Variants in ERBB4 observed in about 807,000 individuals in gnomAD.
The protein encoded by ERBB4 is erb-b2 receptor tyrosine kinase 4.
A neutral mutation model predicts 158.0 loss-of-function variants in ERBB4; 42 were observed. The ratio of observed to expected loss-of-function variants is 0.27; its 90% CI spans 0.21 to 0.34. ERBB4 has a LOEUF of 0.34. Ranked by LOEUF, ERBB4 falls within the 10% of genes least tolerant of loss-of-function variation. The probability of loss-of-function intolerance (pLI) is 1.00; values close to 1 mark genes in which losing one functional copy is unlikely to be tolerated. For missense variants in ERBB4, 1,333 were observed against 1,624.1 expected, an observed-to-expected ratio of 0.82 and a Z score of 3.08; for synonymous variants, 583 against 558.7, an observed-to-expected ratio of 1.04 and a Z score of -0.61.
chr2:212,438,142 G>A (rs2092177939), intron 1 of ERBB4, among the ~76,000 whole-genome samples: 1 of 151,774 alleles, frequency 6.6e-6, no homozygotes, highest in Admixed American at 6.6e-5. Flanking sequence ...CATCTACCAG[G>A]TAAATTTAAT....
intron 19 of ERBB4, among the ~76,000 whole-genome samples, chr2:211,593,603 T>G (rs868577734): frequency 6.6e-6 from 1 of 152,220 alleles, no homozygotes; most frequent in African/African-American, 2.4e-5. Flanking sequence ...GTATCTTAGC[T>G]TCTCCCATCA....
intron 3 of ERBB4, among the ~76,000 whole-genome samples, chr2:211,936,691 C>T (rs1300543198): frequency 6.6e-6 from 1 of 152,016 alleles, no homozygotes; most frequent in Non-Finnish European, 1.5e-5. Flanking sequence ...ATTAAGAGAA[C>T]AAAGTTTAAG....
In ERBB4 at chr2:211,396,016, GAAAAA is replaced by G. The variant is rs925667581; in HGVS notation, c.3136-8029_3136-8025del. ...TAAGGCAGGTTTGAACTAAGAATAA[GAAAAA>G]AAAAAAGACTATAAACACTTTGAAT... On this transcript the variant is annotated intron_variant, in intron 25 of 27. Transcript: ENST00000342788. 1.2e-4 allele frequency among the ~76,000 whole-genome samples: 16 copies of G among 139,072 alleles called. 2 individuals carry two copies. Among genetic ancestry groups the G allele is most frequent in the African/African-American group, 4.2e-4 (16 of 38,186 alleles). The allele number at this position is 139,072 out of a possible 152,430, so 91.2% of individuals were successfully genotyped here.
intron 20 of ERBB4, among the ~76,000 whole-genome samples, chr2:211,457,843 C>A (rs924562231): frequency 2.0e-5 from 3 of 152,192 alleles, no homozygotes; most frequent in African/African-American, 4.8e-5. Context: ...ATTACCACAG[C>A]CTTTCATGCA....
At chr2:211,922,852 G>T (rs923558619) in intron 3 of ERBB4, among the ~76,000 whole-genome samples, 2 of 151,870 alleles carry the variant, frequency 1.3e-5, no homozygotes, top group African/African-American at 2.4e-5. Context: ...TATTTCACAG[G>T]GAAAAAAGAC....
At chr2:211,808,056 T>A (rs2076661086) in intron 3 of ERBB4, among the ~76,000 whole-genome samples, 1 of 152,178 alleles carries the variant, frequency 6.6e-6, no homozygotes, top group South Asian at 2.1e-4. Flanking sequence ...TTGTAAACAT[T>A]TTTTTCCCAT....
At chr2:211,415,102 A>ATTTTTT (rs1395575088) in intron 25 of ERBB4, among the ~76,000 whole-genome samples, 2 of 81,006 alleles carry the variant, frequency 2.5e-5, no homozygotes, top group African/African-American at 8.9e-5. Flanking sequence ...TGAAACTTAC[A>ATTTTTT]TTTTCTTTTT....
At chr2:211,469,113 C>A (rs1035069739) in intron 20 of ERBB4, among the ~76,000 whole-genome samples, 5 of 151,924 alleles carry the variant, frequency 3.3e-5, no homozygotes, top group African/African-American at 4.8e-5. Context: ...AAACTCTGCT[C>A]GTAAGCCCCT....
intron 15 of ERBB4, among the ~76,000 whole-genome samples, chr2:211,664,289 G>T (rs749200770): frequency 7.2e-5 from 11 of 151,870 alleles, no homozygotes; most frequent in African/African-American, 1.2e-4. Flanking sequence ...ACACTTTCCT[G>T]CCAGATATAA....
At chr2:212,218,966 A>T (rs1190840064) in intron 1 of ERBB4, among the ~76,000 whole-genome samples, 1 of 150,984 alleles carries the variant, frequency 6.6e-6, no homozygotes, top group African/African-American at 2.4e-5. Context: ...TTTTTTTTTT[A>T]CCACTCAAAC....
chr2:212,197,270 G>C (rs540439904), intron 1 of ERBB4, among the ~76,000 whole-genome samples: 7 of 152,050 alleles, frequency 4.6e-5, no homozygotes, highest in Non-Finnish European at 1.0e-4. Context: ...ATGAAGATTC[G>C]CAATAAGTGG....
intron 25 of ERBB4, among the ~76,000 whole-genome samples, chr2:211,404,295 A>C (rs982092999): frequency 6.6e-6 from 1 of 152,012 alleles, no homozygotes; most frequent in Non-Finnish European, 1.5e-5. Flanking sequence ...CAAGTTTTCT[A>C]CGCCTTTGGT....
At chr2:212,538,210 C>G (rs1560588836) in intron 1 of ERBB4, among the ~76,000 whole-genome samples, 1 of 151,098 alleles carries the variant, frequency 6.6e-6, no homozygotes, top group Non-Finnish European at 1.5e-5. Flanking sequence ...GAAAGAAAAG[C>G]AGGGGGTTAA....
chr2:211,716,534 G>T (rs1314988847), intron 7 of ERBB4, among the ~76,000 whole-genome samples: 1 of 151,054 alleles, frequency 6.6e-6, no homozygotes, highest in East Asian at 1.9e-4. Context: ...AAATTAGCCG[G>T]GCCTGGTGGC....
chr2:211,678,966 CA>C (rs71054127), intron 13 of ERBB4, 85 bp downstream of exon 13: 106,973 of 486,954 alleles, frequency 0.22, 1,309 homozygotes, highest in African/African-American at 0.27. Context: ...GACTCCGTCT[CA>C]AAAAAAAAAA....
At chr2:211,792,228 A>G (rs1270066999) in intron 3 of ERBB4, among the ~76,000 whole-genome samples, 1 of 151,790 alleles carries the variant, frequency 6.6e-6, no homozygotes, top group African/African-American at 2.4e-5. Flanking sequence ...TCTACAGGTT[A>G]TCTTGACTGG....
chr2:212,469,828 C>T (rs553535098), intron 1 of ERBB4, among the ~76,000 whole-genome samples: 2 of 152,058 alleles, frequency 1.3e-5, no homozygotes, highest in Non-Finnish European at 2.9e-5. Context: ...TACAATGGAC[C>T]AGTCTCATGG....
intron 1 of ERBB4, among the ~76,000 whole-genome samples, chr2:212,190,384 A>T (rs549389056): frequency 6.6e-6 from 1 of 152,230 alleles, no homozygotes; most frequent in African/African-American, 2.4e-5. Flanking sequence ...AAAATACAAA[A>T]AAATTAGCCG....
rs1410176939 is a variant in ERBB4 at position 211,891,705 on chromosome 2, T to TA, written c.421+55724dup. On this transcript the variant is annotated intron_variant, in intron 3 of 27. Transcript: ENST00000342788. ...AGAGAGAAGAATCAAATAGACACAA[T>TA]AAAAAATGATAAACGGGATATCACC... is the stretch of plus-strand genomic sequence containing the variant. Among the ~76,000 whole-genome samples, 11 of 135,536 alleles carry TA rather than the reference T, an allele frequency of 8.1e-5. No homozygotes were observed. In the East Asian group the frequency reaches 1.6e-3, roughly 20 times the overall value. The allele number at this position is 135,536 out of a possible 152,430, so 88.9% of individuals were successfully genotyped here.
Sources: gnomAD v4.1 joint callset for allele counts (sites outside exome capture counted in the v4.1 genomes callset) on GRCh38, gnomAD v4.1.1 for gene constraint, MANE v1.5 for transcripts, NCBI Gene and HGNC (gene_info 2026-07-23, HGNC 2026-07-21) for gene names.